ARL15: variants seen among roughly 807,000 people sequenced by gnomAD.
The protein encoded by ARL15 is ARF like GTPase 15.
ARL15 carries 19 observed loss-of-function variants against 25.2 expected under a neutral mutation model. The ratio of observed to expected loss-of-function variants is 0.75; its 90% CI spans 0.53 to 1.10. The LOEUF (loss-of-function observed/expected upper bound fraction) is 1.10, where lower values mean the gene tolerates loss of function less well. ARL15 is among the 50% of genes least tolerant of loss of function. The pLI, the probability that ARL15 is intolerant of heterozygous loss-of-function variation, is 0.00. For synonymous variants in ARL15, 94 were observed against 86.8 expected, an observed-to-expected ratio of 1.08 and a Z score of -0.46; for missense variants, 220 against 246.0, an observed-to-expected ratio of 0.89 and a Z score of 0.71.
intron 3 of ARL15, among the ~76,000 whole-genome samples, chr5:54,119,921 T>A (rs1753021811): frequency 6.6e-6 from 1 of 152,218 alleles, no homozygotes; most frequent in South Asian, 2.1e-4. Flanking sequence ...CTGTTTCTCT[T>A]GGTTCTCCAT....
At chr5:54,198,402 G>A (rs1400975149) in intron 1 of ARL15, among the ~76,000 whole-genome samples, 1 of 152,026 alleles carries the variant, frequency 6.6e-6, no homozygotes, top group Non-Finnish European at 1.5e-5. Flanking sequence ...AAACCCCATT[G>A]TCTCAGCCCA....
chr5:53,950,175 T>C (rs1746897412), intron 4 of ARL15, among the ~76,000 whole-genome samples: 1 of 151,592 alleles, frequency 6.6e-6, no homozygotes, highest in African/African-American at 2.4e-5. Flanking sequence ...ATGCCTGTAA[T>C]CCCAGCACTC....
intron 4 of ARL15, among the ~76,000 whole-genome samples, chr5:54,018,837 G>A (rs1749503062): frequency 6.6e-6 from 1 of 152,118 alleles, no homozygotes; most frequent in African/African-American, 2.4e-5. Flanking sequence ...AAACATGTAA[G>A]AAAGTTTCTC....
At chr5:53,935,915 A>AT (rs766378869) in intron 4 of ARL15, among the ~76,000 whole-genome samples, 1 of 151,908 alleles carries the variant, frequency 6.6e-6, no homozygotes, top group Non-Finnish European at 1.5e-5. Flanking sequence ...CACCCAGCTA[A>AT]TTTTTGTAAT....
At chr5:54,288,017 C>T (rs1758224456) in intron 1 of ARL15, among the ~76,000 whole-genome samples, 1 of 152,124 alleles carries the variant, frequency 6.6e-6, no homozygotes. Flanking sequence ...AACTTCATAA[C>T]CATGAAGAAT....
chr5:54,202,256 C>T (rs1755745590), intron 1 of ARL15, among the ~76,000 whole-genome samples: 1 of 152,102 alleles, frequency 6.6e-6, no homozygotes, highest in Admixed American at 6.6e-5. Flanking sequence ...TATCCTAACC[C>T]CTGGAACCTG....
chr5:54,009,298 T>A (rs1384085408), intron 4 of ARL15, among the ~76,000 whole-genome samples: 1 of 152,204 alleles, frequency 6.6e-6, no homozygotes, highest in Non-Finnish European at 1.5e-5. Flanking sequence ...GCAAAGTGTG[T>A]TGCCCTCCTT....
chr5:53,991,260 G>A (rs576340120), intron 4 of ARL15, among the ~76,000 whole-genome samples: 16 of 152,084 alleles, frequency 1.1e-4, no homozygotes, highest in Non-Finnish European at 1.6e-4. Context: ...AATTGAAGCA[G>A]GCCATGTACG....
chr5:54,251,155 G>C (rs1167642109), intron 1 of ARL15, among the ~76,000 whole-genome samples: 1 of 152,056 alleles, frequency 6.6e-6, no homozygotes, highest in Admixed American at 6.5e-5. Flanking sequence ...ATTCAGGTAA[G>C]AAGGAAGAAG....
chr5:54,304,739 G>A (rs982656272), intron 1 of ARL15, among the ~76,000 whole-genome samples: 7 of 151,970 alleles, frequency 4.6e-5, no homozygotes, highest in Non-Finnish European at 1.0e-4. Flanking sequence ...TAATCCACTC[G>A]ACATTTAGAC....
intron 1 of ARL15, among the ~76,000 whole-genome samples, chr5:54,278,027 T>C (rs185737578): frequency 5.4e-4 from 83 of 152,320 alleles, no homozygotes; most frequent in African/African-American, 1.9e-3. Context: ...GGCCGTTCAA[T>C]GTTGGCCAAA....
chr5:54,248,841 C>T (rs1165894751), intron 1 of ARL15, among the ~76,000 whole-genome samples: 1 of 152,052 alleles, frequency 6.6e-6, no homozygotes, highest in East Asian at 1.9e-4. Flanking sequence ...TAGATGAATT[C>T]ACTCCCCAAG....
chr5:53,918,377 G>C (rs555800098), intron 4 of ARL15, among the ~76,000 whole-genome samples: 51 of 151,056 alleles, frequency 3.4e-4, no homozygotes, highest in African/African-American at 1.1e-3. Flanking sequence ...TAGTAGAGAT[G>C]GGGGGGGATC....
intron 4 of ARL15, among the ~76,000 whole-genome samples, chr5:53,942,335 T>C (rs184606747): frequency 2.6e-5 from 4 of 152,254 alleles, no homozygotes; most frequent in African/African-American, 9.6e-5. Context: ...GCATCAGACA[T>C]ACCAGTGGCA....
intron 1 of ARL15, among the ~76,000 whole-genome samples, chr5:54,235,781 T>C (rs1442209248): frequency 6.6e-6 from 1 of 152,166 alleles, no homozygotes; most frequent in Non-Finnish European, 1.5e-5. Flanking sequence ...TATAGTAAAG[T>C]ATTAACATTT....
intron 4 of ARL15, among the ~76,000 whole-genome samples, chr5:53,947,110 A>C (rs1240350763): frequency 6.6e-6 from 1 of 151,624 alleles, no homozygotes; most frequent in Non-Finnish European, 1.5e-5. Flanking sequence ...TCTGTATCAG[A>C]GTTTACTGTA....
intron 4 of ARL15, among the ~76,000 whole-genome samples, chr5:53,989,827 T>G (rs1272388006): frequency 6.6e-6 from 1 of 152,214 alleles, no homozygotes; most frequent in African/African-American, 2.4e-5. Flanking sequence ...AATTTTGATA[T>G]GCTTATGCAA....
chr5:53,946,512 C>G (rs936906197), intron 4 of ARL15, among the ~76,000 whole-genome samples: 1 of 150,544 alleles, frequency 6.6e-6, no homozygotes, highest in African/African-American at 2.4e-5. Context: ...AGAATCTTTC[C>G]CCTAATGGAA....
chr5:54,213,255 T>A (rs1435247033), intron 1 of ARL15, among the ~76,000 whole-genome samples: 1 of 152,196 alleles, frequency 6.6e-6, no homozygotes, highest in Non-Finnish European at 1.5e-5. Flanking sequence ...TAAAACACTA[T>A]AAATGTGTCT....
Sources: gnomAD v4.1 joint callset for allele counts (sites outside exome capture counted in the v4.1 genomes callset) on GRCh38, gnomAD v4.1.1 for gene constraint, MANE v1.5 for transcripts, NCBI Gene and HGNC (gene_info 2026-07-23, HGNC 2026-07-21) for gene names.